Variants in CPLANE1 observed in about 807,000 individuals in gnomAD.
The protein encoded by CPLANE1 is ciliogenesis and planar polarity effector 1.
In CPLANE1, 263 loss-of-function variants were observed where a neutral mutation model predicts 362.5. The ratio of observed to expected loss-of-function variants is 0.73; its 90% confidence interval spans 0.66 to 0.80. The LOEUF is 0.80. CPLANE1 is among the 30% of genes least tolerant of loss of function. CPLANE1 has a pLI of 0.00. For missense variants in CPLANE1, 3,461 were observed against 3,793.4 expected, an observed-to-expected ratio of 0.91 and a Z score of 2.30; for synonymous variants, 1,212 against 1,302.6, an observed-to-expected ratio of 0.93 and a Z score of 1.50.
At chr5:37,210,551 C>CA in intron 16 of CPLANE1, 1 of 1,497,266 alleles carries the variant, frequency 6.7e-7, no homozygotes, top group Admixed American at 1.8e-5. Context: ...AGGAGGAACT[C>CA]AATCAATCTA....
chr5:37,111,463 G>A (rs301904), intron 51 of CPLANE1, among the ~76,000 whole-genome samples: 18,963 of 152,092 alleles, frequency 0.12, 1,420 homozygotes, highest in African/African-American at 0.2. Flanking sequence ...AATACTTAGA[G>A]GGCCCTTTAA....
At chr5:37,085,694 G>C in the CPLANE1 span, 1 of 1,153,946 alleles carries the variant, frequency 8.7e-7, no homozygotes. Flanking sequence ...TCACATGAAA[G>C]ATGTCAATGG....
At chr5:37,210,373 G>C (rs1285444904) in intron 16 of CPLANE1, 1 of 1,084,564 alleles carries the variant, frequency 9.2e-7, no homozygotes, top group Admixed American at 1.7e-5. Flanking sequence ...AATATAAAGA[G>C]TTTTGAGAAG....
intron 16 of CPLANE1, chr5:37,211,285 AG>A: frequency 6.6e-7 from 1 of 1,510,856 alleles, no homozygotes; most frequent in Non-Finnish European, 9.0e-7. Flanking sequence ...CTTCAGCAAG[AG>A]GCGGAACGCT....
intron 16 of CPLANE1, among the ~76,000 whole-genome samples, chr5:37,207,828 T>C (rs1791230273): frequency 6.6e-6 from 1 of 152,198 alleles, no homozygotes; most frequent in Admixed American, 6.5e-5. Context: ...ATACTTAAAA[T>C]TCAGATTTCT....
chr5:37,154,522 A>AACT (rs1459562559), intron 41 of CPLANE1, among the ~76,000 whole-genome samples: 2 of 136,370 alleles, frequency 1.5e-5, no homozygotes, highest in African/African-American at 5.9e-5. Context: ...GGCTGGTCTG[A>AACT]ACTCCTGGGC....
At chr5:37,197,584 C>G (rs1267709371) in intron 20 of CPLANE1, among the ~76,000 whole-genome samples, 4 of 152,092 alleles carry the variant, frequency 2.6e-5, no homozygotes, top group African/African-American at 7.2e-5. Context: ...GCTGAACCAC[C>G]CTGTGGTGGT....
Position 37,165,568 on chromosome 5 carries a change from CA to C in CPLANE1, c.7503del (p.Asn2501LysfsTer47). On this transcript the variant is annotated frameshift_variant, in exon 36 of 53. Coordinates refer to ENST00000651892, the MANE Select transcript of CPLANE1 (RefSeq NM_001384732.1). LOFTEE classifies it high-confidence loss of function. Reference protein sequence around the residue: ...TFRPENSIINNDDSEIIKKPK... With the variant: ...TFRPENSIINXDDSEIIKKPK... ...GGTTTCTTAATGATTTCTGAATCAT[CA>C]TTATTAATTATGGAATTCTCTGGTC... The C allele has an allele frequency of 6.2e-7, 1 of 1,608,356 alleles. No individual in the cohort carries two copies. The highest frequency in any genetic ancestry group is 8.5e-7 in the Non-Finnish European group (1 of 1,178,442).
At chr5:37,129,634 CAT>C (rs1288909512) in intron 46 of CPLANE1, among the ~76,000 whole-genome samples, 2 of 152,020 alleles carry the variant, frequency 1.3e-5, no homozygotes, top group Admixed American at 6.6e-5. Context: ...GGCCAACAAA[CAT>C]ATGAAAAAAT....
intron 4 of CPLANE1, among the ~76,000 whole-genome samples, chr5:37,245,117 C>A (rs747197513): frequency 6.6e-6 from 1 of 150,878 alleles, no homozygotes; most frequent in Non-Finnish European, 1.5e-5. Context: ...GCACTCCAGC[C>A]TGGGCGACAG....
At chr5:37,104,246 T>G (rs535372912), downstream of CPLANE1, among the ~76,000 whole-genome samples, 3 of 152,320 alleles carry the variant, frequency 2.0e-5, no homozygotes, top group Admixed American at 2.0e-4. Flanking sequence ...AACTGGTTAT[T>G]CTGGCTATCA....
chr5:37,189,601 T>C (rs1784931122), intron 21 of CPLANE1, among the ~76,000 whole-genome samples: 1 of 152,198 alleles, frequency 6.6e-6, no homozygotes, highest in African/African-American at 2.4e-5. Context: ...TTTATCTGTG[T>C]TTTTCAGACT....
chr5:37,226,656 G>A lies in CPLANE1; in HGVS notation c.1939C>T (p.His647Tyr), dbSNP rs775827684. 9 of 1,551,122 alleles carry A rather than the reference G, an allele frequency of 5.8e-6. No individual in the cohort carries two copies. In the African/African-American group the frequency reaches 1.1e-4, roughly 19 times the overall value. Reference sequence around the variant, plus strand: ...TGTTTGTATCTTATATCCCAATAATGGATTGATAAACACTGATGAAAAAGT... The same window carrying A: ...TGTTTGTATCTTATATCCCAATAATAGATTGATAAACACTGATGAAAAAGT... ...FQLFHQCLSI[H>Y]YWDIRYKQDV... Residue 647 changes from histidine to tyrosine, a missense_variant, in exon 12 of 53, where the codon CAT becomes TAT. By Grantham distance (83) the His-to-Tyr change is moderately conservative. Transcript: ENST00000651892.
At position 37,198,774 on chromosome 5, in the gene CPLANE1, C is replaced by T. The variant is rs756048996; in HGVS notation, c.3600G>A (p.Ala1200=). Reference sequence around the variant, plus strand: ...GTGCTACAGGAAAAGAACACTGAGCCGCCCGGAAAAGCAGGAGAACACGCT... The same window carrying T: ...GTGCTACAGGAAAAGAACACTGAGCTGCCCGGAAAAGCAGGAGAACACGCT... ...ILQRVLLLFR[A]AQCSFPVAQW... Residue 1200 remains alanine (A), a synonymous_variant, in exon 20 of 53, where the codon GCG becomes GCA. Coordinates refer to ENST00000651892, the MANE Select transcript of CPLANE1 (RefSeq NM_001384732.1). 4.3e-6 allele frequency: 7 copies of T among 1,614,060 alleles called. No homozygotes were observed. The highest frequency in any genetic ancestry group is 2.2e-5 in the East Asian group (1 of 44,876).
intron 9 of CPLANE1, among the ~76,000 whole-genome samples, chr5:37,230,198 C>A: frequency 1.4e-5 from 2 of 146,464 alleles, no homozygotes; most frequent in African/African-American, 2.5e-5. Flanking sequence ...ATAAATAAAA[C>A]TAAGAATGAA....
intron 46 of CPLANE1, among the ~76,000 whole-genome samples, chr5:37,134,938 C>A (rs1410085320): frequency 6.6e-6 from 1 of 151,770 alleles, no homozygotes; most frequent in African/African-American, 2.4e-5. Context: ...GGATTACAGG[C>A]ATGTGCCACC....
chr5:37,227,485 A>T, intron 10 of CPLANE1, 83 bp downstream of exon 10: 1 of 1,481,882 alleles, frequency 6.7e-7, no homozygotes, highest in Non-Finnish European at 9.0e-7. Flanking sequence ...ACTGTATACA[A>T]TTCAAGGACA....
At chr5:37,150,327 A>G (rs1773129071) in intron 42 of CPLANE1, among the ~76,000 whole-genome samples, 1 of 151,966 alleles carries the variant, frequency 6.6e-6, no homozygotes, top group Admixed American at 6.6e-5. Flanking sequence ...TTTCTCCTCC[A>G]TGTGCTCTCC....
At chr5:37,196,122 G>T in intron 20 of CPLANE1, 126 bp from the exon 21 acceptor site, 1 of 592,616 alleles carries the variant, frequency 1.7e-6, no homozygotes, top group Non-Finnish European at 2.6e-6. Flanking sequence ...CATGAAATCA[G>T]CTATATTTTC....
Sources: allele counts gnomAD v4.1 joint callset (sites outside exome capture counted in the v4.1 genomes callset), GRCh38; gene constraint gnomAD v4.1.1; transcripts MANE v1.5; gene names NCBI Gene and HGNC (gene_info 2026-07-23, HGNC 2026-07-21).